The following HECW1 variants were observed in gnomAD, a reference collection of about 807,000 sequenced individuals.
HECW1 encodes E3 ubiquitin-protein ligase HECW1.
In HECW1, 61 loss-of-function variants were observed where a neutral mutation model predicts 182.3. The observed-to-expected ratio is 0.33, with a 90% CI of 0.27 to 0.41. HECW1 has a LOEUF of 0.41. Among genes scored for constraint, HECW1 ranks in the 10% least tolerant of loss-of-function variants. The pLI, the probability that HECW1 is intolerant of heterozygous loss-of-function variation, is 1.00. For missense variants in HECW1, 1,739 were observed against 2,108.9 expected (o/e 0.82, Z 3.44); for synonymous variants, 859 against 832.6 (o/e 1.03, Z -0.55).
At chr7:43,348,482 C>G (rs1245431249) in intron 5 of HECW1, among the ~76,000 whole-genome samples, 1 of 151,644 alleles carries the variant, frequency 6.6e-6, no homozygotes, top group African/African-American at 2.4e-5. Context: ...TTTCATTTAT[C>G]TTTTGTAATT....
At chr7:43,530,948 A>G (rs1294092364) in intron 24 of HECW1, among the ~76,000 whole-genome samples, 3 of 152,178 alleles carry the variant, frequency 2.0e-5, no homozygotes, top group Admixed American at 6.5e-5. Flanking sequence ...AAACCTGTCA[A>G]TGGGTTCTCA....
chr7:43,491,042 C>A (rs192606877), intron 17 of HECW1, among the ~76,000 whole-genome samples: 1 of 152,090 alleles, frequency 6.6e-6, no homozygotes, highest in Non-Finnish European at 1.5e-5. Context: ...TGTGAGCCAC[C>A]GCACTGGCAA....
intron 2 of HECW1, among the ~76,000 whole-genome samples, chr7:43,162,618 A>G (rs73314720): frequency 0.083 from 12,654 of 152,280 alleles, 679 homozygotes; most frequent in African/African-American, 0.15. Flanking sequence ...GCATTAGGAC[A>G]TGGACATATC....
rs764852103 is a variant in HECW1, at chr7:43,220,352, C to T, written c.-31-23523C>T. On this transcript the variant is annotated intron_variant, in intron 2 of 29. Transcript: ENST00000395891. ...ACAGAGTATTGCCAGTAGAGACACT[C>T]GCCTGAGTCTTCACGTCCAGAGTTG... Among the ~76,000 whole-genome samples the T allele has an allele frequency of 3.9e-5, 6 of 152,294 alleles. No homozygotes were observed. The East Asian group carries it at 7.7e-4, about 20-fold the overall frequency.
chr7:43,408,500 T>C (rs2075685819), intron 8 of HECW1, among the ~76,000 whole-genome samples: 1 of 149,478 alleles, frequency 6.7e-6, no homozygotes, highest in Non-Finnish European at 1.5e-5. Flanking sequence ...CTGGGCAATA[T>C]GGCAAAACCC....
At chr7:43,128,170 G>A (rs550425409) in intron 2 of HECW1, among the ~76,000 whole-genome samples, 10 of 152,172 alleles carry the variant, frequency 6.6e-5, no homozygotes, top group South Asian at 6.2e-4. Flanking sequence ...GTGAGCCACC[G>A]CACCTGGCCA....
rs73103320 is a variant in HECW1, at chr7:43,435,626, T to C, written c.802-2377T>C. The stretch of plus-strand genomic sequence containing the variant: ...AGTTCTGAGGAGCTATGTTTGGAAG[T>C]GAACACTTATTTACAGGGGGAGCTC... On this transcript the variant is annotated intron_variant, in intron 8 of 29. Coordinates refer to ENST00000395891, the MANE Select transcript of HECW1 (RefSeq NM_015052.5). 4.9e-3 allele frequency among the ~76,000 whole-genome samples: 746 copies of C among 152,250 alleles called. 6 individuals carry two copies. The highest frequency in any genetic ancestry group is 0.024 in the Middle Eastern group (7 of 294).
At chr7:43,560,146 ACTTCGC>A (rs2082163222) in intron 29 of HECW1, among the ~76,000 whole-genome samples, 1 of 152,140 alleles carries the variant, frequency 6.6e-6, no homozygotes. Flanking sequence ...TTTTCACCCC[ACTTCGC>A]CTGTTTAGCC....
chr7:43,390,106 A>C (rs1294134727), intron 6 of HECW1, among the ~76,000 whole-genome samples: 3 of 152,082 alleles, frequency 2.0e-5, no homozygotes, highest in Non-Finnish European at 4.4e-5. Context: ...TAAATGCCTC[A>C]TTTTTCCAAC....
intron 3 of HECW1, among the ~76,000 whole-genome samples, chr7:43,300,596 T>A (rs1254400212): frequency 3.3e-5 from 5 of 152,182 alleles, no homozygotes; most frequent in Non-Finnish European, 5.9e-5. Flanking sequence ...TCACTCTTCA[T>A]CATGGCTCTA....
intron 8 of HECW1, among the ~76,000 whole-genome samples, chr7:43,417,868 C>T (rs1436125436): frequency 6.6e-6 from 1 of 152,028 alleles, no homozygotes; most frequent in Non-Finnish European, 1.5e-5. Context: ...TTCGGCATTC[C>T]CAGGCATGGT....
chr7:43,394,854 C>A (rs1324770382), intron 6 of HECW1, among the ~76,000 whole-genome samples: 1 of 152,166 alleles, frequency 6.6e-6, no homozygotes, highest in Non-Finnish European at 1.5e-5. Context: ...AATCCATCTC[C>A]CGGAGCATTC....
At chr7:43,415,653 CT>C (rs1454778654) in intron 8 of HECW1, among the ~76,000 whole-genome samples, 8 of 147,690 alleles carry the variant, frequency 5.4e-5, no homozygotes, top group Non-Finnish European at 1.1e-4. Flanking sequence ...CTCCCCATCA[CT>C]TTCAGGTACA....
intron 2 of HECW1, among the ~76,000 whole-genome samples, chr7:43,124,521 C>T (rs936044776): frequency 6.6e-6 from 1 of 152,160 alleles, no homozygotes; most frequent in African/African-American, 2.4e-5. Flanking sequence ...GTTGTGAGCA[C>T]ACATCTCCCA....
chr7:43,402,296 C>T (rs1170690761), intron 7 of HECW1, among the ~76,000 whole-genome samples: 1 of 152,186 alleles, frequency 6.6e-6, no homozygotes, highest in African/African-American at 2.4e-5. Flanking sequence ...GTCACAGACA[C>T]CCTCCCCTAG....
chr7:43,434,225 T>C (rs1318061108), intron 8 of HECW1, among the ~76,000 whole-genome samples: 1 of 152,136 alleles, frequency 6.6e-6, no homozygotes, highest in African/African-American at 2.4e-5. Flanking sequence ...TTAGTGGCCA[T>C]TAAGGGCCAG....
At chr7:43,264,586 C>G (rs1334410689) in intron 3 of HECW1, among the ~76,000 whole-genome samples, 4 of 152,160 alleles carry the variant, frequency 2.6e-5, no homozygotes, top group African/African-American at 9.7e-5. Context: ...TGGCTCACGC[C>G]TGTAATCTCA....
intron 9 of HECW1, among the ~76,000 whole-genome samples, chr7:43,442,278 C>G (rs2076912783): frequency 3.3e-5 from 5 of 152,208 alleles, no homozygotes; most frequent in Admixed American, 2.6e-4. Context: ...GTTTGGCAGG[C>G]TAAATGTATT....
chr7:43,218,841 G>C (rs992477847), intron 2 of HECW1, among the ~76,000 whole-genome samples: 2 of 152,072 alleles, frequency 1.3e-5, no homozygotes, highest in Non-Finnish European at 2.9e-5. Context: ...AAAATGACAC[G>C]GACACACGTG....
Sources: gnomAD v4.1 joint callset for allele counts (sites outside exome capture counted in the v4.1 genomes callset) on GRCh38, gnomAD v4.1.1 for gene constraint, MANE v1.5 for transcripts, NCBI Gene and HGNC (gene_info 2026-07-23, HGNC 2026-07-21) for gene names.